Variants in DENND5A observed in about 807,000 individuals in gnomAD.
DENND5A encodes the protein DENN domain containing 5A, also known as DENN domain-containing protein 5A.
Under a neutral mutation model 140.3 loss-of-function variants are expected in DENND5A, and 64 were observed. That is an observed-to-expected ratio of 0.46 (90% CI 0.37 to 0.56). The LOEUF (loss-of-function observed/expected upper bound fraction) is 0.56. Among genes scored for constraint, DENND5A ranks in the 20% least tolerant of loss-of-function variants. The pLI is 0.00. For missense variants in DENND5A, 1,292 were observed against 1,593.8 expected, an observed-to-expected ratio of 0.81 and a Z score of 3.22; for synonymous variants, 605 against 607.7, an observed-to-expected ratio of 1.00 and a Z score of 0.07.
intron 1 of DENND5A, among the ~76,000 whole-genome samples, chr11:9,248,654 G>A (rs1204948121): frequency 2.0e-5 from 3 of 150,748 alleles, no homozygotes; most frequent in Admixed American, 6.6e-5. Context: ...GTATAATGAG[G>A]GATGGCCAAC....
At chr11:9,249,770 G>C (rs926615404) in intron 1 of DENND5A, among the ~76,000 whole-genome samples, 3 of 151,882 alleles carry the variant, frequency 2.0e-5, no homozygotes, top group Non-Finnish European at 4.4e-5. Context: ...GGCTGTTCTC[G>C]AACTCCTGAC....
At chr11:9,199,805 T>C (rs1050314412) in intron 4 of DENND5A, among the ~76,000 whole-genome samples, 3 of 152,210 alleles carry the variant, frequency 2.0e-5, no homozygotes, top group Admixed American at 6.5e-5. Context: ...TTTTTATCCA[T>C]ACAAGGAAGA....
intron 1 of DENND5A, among the ~76,000 whole-genome samples, chr11:9,220,584 T>C (rs1472488632): frequency 6.7e-6 from 1 of 149,848 alleles, no homozygotes. Context: ...TAATTCAACA[T>C]GGAAAAAAAT....
chr11:9,195,019 C>G (rs938558496), intron 4 of DENND5A, among the ~76,000 whole-genome samples: 28 of 137,262 alleles, frequency 2.0e-4, no homozygotes, highest in African/African-American at 7.8e-4. Flanking sequence ...GCCCAGCCAG[C>G]CTTTTTTTTT....
intron 11 of DENND5A, among the ~76,000 whole-genome samples, chr11:9,164,194 A>ATTTTTTTTTT (rs779522112): frequency 3.8e-5 from 3 of 79,068 alleles, no homozygotes; most frequent in African/African-American, 9.7e-5. Context: ...ACCACGCCTA[A>ATTTTTTTTTT]TTTTTTTTTT....
At chr11:9,165,160 C>T (rs561341551) in intron 11 of DENND5A, among the ~76,000 whole-genome samples, 2 of 152,090 alleles carry the variant, frequency 1.3e-5, no homozygotes, top group Non-Finnish European at 2.9e-5. Context: ...CCACCACGCC[C>T]GGCTAAATTT....
intron 1 of DENND5A, among the ~76,000 whole-genome samples, chr11:9,208,170 C>A (rs1849755737): frequency 6.6e-6 from 1 of 152,094 alleles, no homozygotes; most frequent in Non-Finnish European, 1.5e-5. Flanking sequence ...TAGAGATGAA[C>A]CAGACAAAGC....
intron 1 of DENND5A, among the ~76,000 whole-genome samples, chr11:9,209,040 A>G (rs1849784084): frequency 6.6e-6 from 1 of 152,242 alleles, no homozygotes; most frequent in Admixed American, 6.5e-5. Flanking sequence ...AACTGCATTC[A>G]TGTCTGAAAG....
At chr11:9,199,892 G>A (rs570333532) in intron 4 of DENND5A, among the ~76,000 whole-genome samples, 1 of 152,162 alleles carries the variant, frequency 6.6e-6, no homozygotes, top group African/African-American at 2.4e-5. Flanking sequence ...ACAACAAAAA[G>A]CATAATTTAC....
chr11:9,257,488 T>TC (rs941897723), intron 1 of DENND5A, among the ~76,000 whole-genome samples: 2 of 148,556 alleles, frequency 1.3e-5, no homozygotes, highest in African/African-American at 4.9e-5. Flanking sequence ...TATTCTTTTT[T>TC]TTTTTTTTTT....
chr11:9,248,122 A>G (rs1851557439), intron 1 of DENND5A, among the ~76,000 whole-genome samples: 1 of 152,000 alleles, frequency 6.6e-6, no homozygotes, highest in Admixed American at 6.6e-5. Flanking sequence ...ACCTGGTTCT[A>G]CAGGTGGGTG....
Position 9,141,959 on chromosome 11 carries a change from G to T in DENND5A, c.3661C>A (p.Leu1221Met). 6 of 1,598,788 alleles carry T rather than the reference G, an allele frequency of 3.8e-6. No homozygotes were observed. The highest frequency in any genetic ancestry group is 5.1e-6 in the Non-Finnish European group (6 of 1,172,200). Residue 1221 changes from leucine (L) to methionine (M), a missense_variant, in exon 22 of 23, where the codon CTG (leucine) becomes ATG (methionine). Leu to Met is a conservative substitution (Grantham distance 15). Coordinates refer to ENST00000328194, the MANE Select transcript of DENND5A (RefSeq NM_015213.4). ...NIGKDGKFQMLVCLGARDHLL... is the reference protein window; with the variant it reads ...NIGKDGKFQMMVCLGARDHLL... The stretch of plus-strand genomic sequence containing the variant: ...CAGTACCTGGCTCCCAAGCACACCA[G>T]CATCTGAAACTTGCCATCCTTGCCG...
chr11:9,255,349 G>A (rs981960894), intron 1 of DENND5A, among the ~76,000 whole-genome samples: 5 of 152,058 alleles, frequency 3.3e-5, no homozygotes, highest in African/African-American at 9.7e-5. Context: ...CCAGCACTTT[G>A]GGAGGCCAAG....
At chr11:9,261,202 C>T (rs1852183191) in intron 1 of DENND5A, among the ~76,000 whole-genome samples, 1 of 152,108 alleles carries the variant, frequency 6.6e-6, no homozygotes, top group African/African-American at 2.4e-5. Context: ...CCTTTCTCCA[C>T]AAAACAAGAA....
intron 1 of DENND5A, 118 bp downstream of exon 1, chr11:9,264,843 T>G: frequency 1.1e-6 from 1 of 889,678 alleles, no homozygotes; most frequent in Non-Finnish European, 1.7e-6. Flanking sequence ...CCCGCCCTGG[T>G]CCTCCCGGCC....
chr11:9,246,303 C>T (rs1463422488), intron 1 of DENND5A, among the ~76,000 whole-genome samples: 1 of 152,142 alleles, frequency 6.6e-6, no homozygotes, highest in Non-Finnish European at 1.5e-5. Context: ...CCACACCGGA[C>T]ACATAGACCT....
intron 12 of DENND5A, among the ~76,000 whole-genome samples, chr11:9,153,582 G>T (rs1847705551): frequency 6.6e-6 from 1 of 152,116 alleles, no homozygotes; most frequent in East Asian, 1.9e-4. Context: ...TTCTCTGAAT[G>T]TCAGTTTCCT....
intron 1 of DENND5A, among the ~76,000 whole-genome samples, chr11:9,236,239 CAAAT>C (rs1203958476): frequency 1.1e-4 from 13 of 122,310 alleles, no homozygotes; most frequent in East Asian, 7.4e-4. Flanking sequence ...AAAAAAAAAA[CAAAT>C]AAAGTTCGCT....
chr11:9,142,012 G>C lies in DENND5A; in HGVS notation c.3608C>G (p.Thr1203Ser). ...TRARNFCRFV[T>S]AINNTPRNIG... ...GTTCCGGGGAGTATTGTTGATTGCAGTGACAAATCGGCAGAAGTTCCGGGC... is the reference window on the plus strand; with the variant it reads ...GTTCCGGGGAGTATTGTTGATTGCACTGACAAATCGGCAGAAGTTCCGGGC... Residue 1203 changes from threonine to serine, a missense_variant, in exon 22 of 23, where the codon ACT (threonine) becomes AGT (serine). By Grantham distance (58) the Thr-to-Ser change is moderately conservative (BLOSUM62 1). Coordinates refer to ENST00000328194, the MANE Select transcript of DENND5A (RefSeq NM_015213.4). 6.2e-7 allele frequency: 1 copy of C among 1,607,006 alleles called. No individual in the cohort carries two copies. The highest frequency in any genetic ancestry group is 1.3e-5 in the African/African-American group (1 of 74,968).
Sources: gnomAD v4.1 joint callset for allele counts (sites outside exome capture counted in the v4.1 genomes callset) on GRCh38, gnomAD v4.1.1 for gene constraint, MANE v1.5 for transcripts, NCBI Gene and HGNC (gene_info 2026-07-23, HGNC 2026-07-21) for gene names.